The following CTNNA3 variants were observed in gnomAD, a reference collection of about 807,000 sequenced individuals.
The protein encoded by CTNNA3 is catenin alpha-3.
Under a neutral mutation model 95.7 loss-of-function variants are expected in CTNNA3, and 76 were observed. That is an observed-to-expected ratio of 0.79 (90% CI 0.66 to 0.96). The LOEUF is 0.96. Among genes scored for constraint, CTNNA3 ranks in the 40% least tolerant of loss-of-function variants. The pLI, the probability that CTNNA3 is intolerant of heterozygous loss-of-function variation, is 0.00. For missense variants in CTNNA3, 1,191 were observed against 1,089.8 expected (o/e 1.09, Z -1.31); for synonymous variants, 431 against 374.4 (o/e 1.15, Z -1.74).
chr10:66,683,456 C>T (rs543152225), intron 9 of CTNNA3, among the ~76,000 whole-genome samples: 2 of 152,272 alleles, frequency 1.3e-5, no homozygotes, highest in East Asian at 3.9e-4. Context: ...AGTAGAAATA[C>T]ACCATCATTA....
rs1256955268 is a variant in CTNNA3, at chr10:66,840,354, TCTCTCTCTCTCTCTCTCTCACACA to T, written c.1048-64854_1048-64831del. ...CTCTCTCTCTCTCTCTCTCTCTCTC[TCTCTCTCTCTCTCTCTCTCACACA>T]CACACACACACACACACACACACAC... On this transcript the variant is annotated intron_variant, in intron 7 of 17. Coordinates refer to ENST00000433211, the MANE Select transcript of CTNNA3 (RefSeq NM_013266.4). 4.0e-3 allele frequency among the ~76,000 whole-genome samples: 495 copies of T among 124,104 alleles called. 2 individuals carry two copies. Among genetic ancestry groups the T allele is most frequent in the African/African-American group, 0.018 (477 of 26,050 alleles). The allele number at this position is 124,104 out of a possible 152,430, so 81.4% of individuals were successfully genotyped here. A position where few individuals can be genotyped will look rare whatever the true frequency, so the allele number is the denominator to read the frequency against.
chr10:66,204,411 T>C (rs188588732), intron 13 of CTNNA3, among the ~76,000 whole-genome samples: 1 of 152,266 alleles, frequency 6.6e-6, no homozygotes, highest in Non-Finnish European at 1.5e-5. Flanking sequence ...TCCTTTATTT[T>C]ACAGATTAAA....
chr10:66,913,392 T>A (rs1846324006), intron 7 of CTNNA3, among the ~76,000 whole-genome samples: 1 of 152,090 alleles, frequency 6.6e-6, no homozygotes, highest in Non-Finnish European at 1.5e-5. Context: ...CAGCTCCCAT[T>A]TTCAACCTTG....
At chr10:66,587,424 T>C (rs1589456161) in intron 10 of CTNNA3, among the ~76,000 whole-genome samples, 1 of 152,004 alleles carries the variant, frequency 6.6e-6, no homozygotes, top group African/African-American at 2.4e-5. Flanking sequence ...GTGTCTCAGG[T>C]AGGTAATGGG....
chr10:66,100,848 G>A (rs2081598310), intron 14 of CTNNA3, among the ~76,000 whole-genome samples: 1 of 152,134 alleles, frequency 6.6e-6, no homozygotes, highest in South Asian at 2.1e-4. Context: ...CTTATTTGAA[G>A]TTACCAGTGA....
rs1459938365 is a variant in CTNNA3 at position 66,903,678 on chromosome 10, A to T, written c.1048-128154T>A. Among the ~76,000 whole-genome samples the T allele has an allele frequency of 3.3e-5, 5 of 152,198 alleles. No homozygotes were observed. The South Asian group carries it at 1.0e-3, about 31-fold the overall frequency. Reference sequence around the variant, plus strand: ...TTAAGCTGATAAGCAACTTCAGCAAAGTCTCAGGATACAAAATCAATGTGC... The same window carrying T: ...TTAAGCTGATAAGCAACTTCAGCAATGTCTCAGGATACAAAATCAATGTGC... On this transcript the variant is annotated intron_variant, in intron 7 of 17. Coordinates refer to ENST00000433211, the MANE Select transcript of CTNNA3 (RefSeq NM_013266.4).
At chr10:67,267,278 A>C (rs1866868197) in intron 5 of CTNNA3, among the ~76,000 whole-genome samples, 2 of 152,250 alleles carry the variant, frequency 1.3e-5, no homozygotes, top group Admixed American at 6.5e-5. Flanking sequence ...ATACTGGCTG[A>C]AATAAAAACA....
chr10:66,784,584 A>AT (rs1374131475), intron 7 of CTNNA3, among the ~76,000 whole-genome samples: 1 of 152,140 alleles, frequency 6.6e-6, no homozygotes, highest in Non-Finnish European at 1.5e-5. Flanking sequence ...TCTCCATCTA[A>AT]TATTTGAAAA....
chr10:66,592,864 T>C (rs1262935912), intron 10 of CTNNA3, among the ~76,000 whole-genome samples: 1 of 152,126 alleles, frequency 6.6e-6, no homozygotes, highest in Admixed American at 6.6e-5. Context: ...AAGACTTTCA[T>C]GGAGGTAGGA....
chr10:67,220,840 T>C (rs1864620431), intron 5 of CTNNA3, among the ~76,000 whole-genome samples: 4 of 152,262 alleles, frequency 2.6e-5, no homozygotes, highest in African/African-American at 9.6e-5. Context: ...ATGGATATCA[T>C]GTACCCCTTG....
chr10:67,349,266 A>G (rs1385990015), intron 5 of CTNNA3, among the ~76,000 whole-genome samples: 1 of 152,230 alleles, frequency 6.6e-6, no homozygotes, highest in Non-Finnish European at 1.5e-5. Context: ...GGTTCATTGC[A>G]GCACTATCTA....
At chr10:66,304,882 A>G (rs1333779833) in intron 12 of CTNNA3, among the ~76,000 whole-genome samples, 1 of 152,204 alleles carries the variant, frequency 6.6e-6, no homozygotes, top group East Asian at 1.9e-4. Context: ...TATTATTAGT[A>G]GTAATATTTT....
At chr10:65,925,612 T>A (rs1406504164) in intron 17 of CTNNA3, among the ~76,000 whole-genome samples, 1 of 152,112 alleles carries the variant, frequency 6.6e-6, no homozygotes, top group Non-Finnish European at 1.5e-5. Flanking sequence ...AATTTTTCTG[T>A]TTTTAGTAGA....
chr10:66,153,784 G>C (rs2084331930), intron 13 of CTNNA3, among the ~76,000 whole-genome samples: 1 of 151,532 alleles, frequency 6.6e-6, no homozygotes, highest in African/African-American at 2.4e-5. Context: ...CGTATCCTAT[G>C]CTGGTCCTGT....
intron 13 of CTNNA3, among the ~76,000 whole-genome samples, chr10:66,245,430 C>T (rs2090278350): frequency 6.6e-6 from 1 of 152,210 alleles, no homozygotes; most frequent in South Asian, 2.1e-4. Flanking sequence ...TGTTTCAGCC[C>T]TGTTTGTGTT....
intron 17 of CTNNA3, among the ~76,000 whole-genome samples, chr10:65,957,552 G>A (rs181466252): frequency 0.067 from 10,219 of 152,194 alleles, 375 homozygotes; most frequent in South Asian, 0.1. Context: ...CATGTTTAGT[G>A]CTTCCTTCAG....
intron 17 of CTNNA3, among the ~76,000 whole-genome samples, chr10:65,930,269 G>T (rs1441707568): frequency 8.4e-6 from 1 of 118,384 alleles, no homozygotes; most frequent in South Asian, 2.7e-4. Flanking sequence ...TTTAACACAA[G>T]AAATTAATTA....
chr10:67,212,614 A>G (rs1373528274), intron 6 of CTNNA3, among the ~76,000 whole-genome samples: 1 of 151,984 alleles, frequency 6.6e-6, no homozygotes, highest in African/African-American at 2.4e-5. Flanking sequence ...CCCTTTATCA[A>G]GAAAACTCAC....
chr10:67,353,485 A>G (rs1842707774), intron 5 of CTNNA3, among the ~76,000 whole-genome samples: 1 of 148,502 alleles, frequency 6.7e-6, no homozygotes, highest in Non-Finnish European at 1.5e-5. Flanking sequence ...TGCACGTTAC[A>G]TAGTCTTAAA....
Sources: gnomAD v4.1 joint callset for allele counts (sites outside exome capture counted in the v4.1 genomes callset) on GRCh38, gnomAD v4.1.1 for gene constraint, MANE v1.5 for transcripts, NCBI Gene and HGNC (gene_info 2026-07-23, HGNC 2026-07-21) for gene names.